Variants in RSPO3 observed in about 807,000 individuals in gnomAD.
The protein encoded by RSPO3 is R-spondin 3.
RSPO3 carries 17 observed loss-of-function variants against 36.5 expected under a neutral mutation model. The observed-to-expected ratio is 0.47, with a 90% confidence interval of 0.32 to 0.70. The LOEUF is 0.70. RSPO3 is among the 30% of genes least tolerant of loss of function. RSPO3 has a pLI of 0.04. For missense variants in RSPO3, 294 were observed against 322.5 expected (o/e 0.91, Z 0.68); for synonymous variants, 108 against 107.0 (o/e 1.01, Z -0.06).
At chr6:127,186,196 G>A (rs1775291035) in intron 4 of RSPO3, among the ~76,000 whole-genome samples, 2 of 152,028 alleles carry the variant, frequency 1.3e-5, no homozygotes, top group Admixed American at 1.3e-4. Context: ...TCTTGCCTTA[G>A]TGATTCTTAG....
chr6:127,145,292 T>C (rs1470554594), intron 1 of RSPO3, among the ~76,000 whole-genome samples: 1 of 152,062 alleles, frequency 6.6e-6, no homozygotes, highest in East Asian at 1.9e-4. Flanking sequence ...CCTCACTACA[T>C]TATATTGCCT....
intron 1 of RSPO3, among the ~76,000 whole-genome samples, chr6:127,146,937 T>C (rs995106290): frequency 1.3e-5 from 2 of 152,114 alleles, no homozygotes; most frequent in Non-Finnish European, 2.9e-5. Context: ...CAATGCTGAG[T>C]TACTGGCATG....
intron 1 of RSPO3, among the ~76,000 whole-genome samples, chr6:127,120,572 AC>A (rs1203358812): frequency 2.0e-5 from 3 of 152,122 alleles, no homozygotes; most frequent in African/African-American, 7.2e-5. Flanking sequence ...AGGACACAAC[AC>A]CGGCTTGTGT....
intron 1 of RSPO3, among the ~76,000 whole-genome samples, chr6:127,135,921 T>C (rs1482198099): frequency 3.5e-5 from 4 of 113,538 alleles, no homozygotes; most frequent in Non-Finnish European, 7.4e-5. Context: ...ACTGAGACCC[T>C]GCCTCAAAAA....
intron 1 of RSPO3, among the ~76,000 whole-genome samples, chr6:127,124,806 T>C (rs1773909232): frequency 6.6e-6 from 1 of 152,104 alleles, no homozygotes; most frequent in South Asian, 2.1e-4. Context: ...TTCAGGAATA[T>C]TACTGGCATT....
At chr6:127,179,277 T>C (rs1331318744) in intron 4 of RSPO3, among the ~76,000 whole-genome samples, 2 of 151,870 alleles carry the variant, frequency 1.3e-5, no homozygotes, top group Non-Finnish European at 2.9e-5. Context: ...GAGAATTAGA[T>C]TGAGAGTAGA....
intron 4 of RSPO3, among the ~76,000 whole-genome samples, chr6:127,168,634 T>G (rs1774874277): frequency 6.6e-6 from 1 of 152,214 alleles, no homozygotes; most frequent in South Asian, 2.1e-4. Context: ...TGGGGTTTGT[T>G]GCCATTGCTT....
intron 3 of RSPO3, among the ~76,000 whole-genome samples, chr6:127,154,963 G>A (rs1296374591): frequency 6.6e-6 from 1 of 152,134 alleles, no homozygotes; most frequent in African/African-American, 2.4e-5. Flanking sequence ...ATCAATTTTA[G>A]TGATTATATT....
intron 1 of RSPO3, among the ~76,000 whole-genome samples, chr6:127,129,313 G>A (rs1774004525): frequency 6.6e-6 from 1 of 151,880 alleles, no homozygotes. Flanking sequence ...GTCTTTTTTA[G>A]TCCATGAAGG....
chr6:127,175,857 T>C (rs1323404759), intron 4 of RSPO3, among the ~76,000 whole-genome samples: 2 of 151,786 alleles, frequency 1.3e-5, no homozygotes, highest in South Asian at 2.1e-4. Context: ...AATTTTCTAA[T>C]ACCAGTAAAT....
At chr6:127,171,782 G>C (rs1774939358) in intron 4 of RSPO3, among the ~76,000 whole-genome samples, 1 of 151,546 alleles carries the variant, frequency 6.6e-6, no homozygotes, top group South Asian at 2.1e-4. Flanking sequence ...AATTGGCTAG[G>C]AGCTTGGGAG....
chr6:127,120,397 TCTC>T (rs1176163848), intron 1 of RSPO3, among the ~76,000 whole-genome samples: 4 of 151,950 alleles, frequency 2.6e-5, no homozygotes, highest in East Asian at 1.9e-4. Flanking sequence ...GGAGGAAACT[TCTC>T]CTGGAGCTCG....
chr6:127,155,397 A>G lies in RSPO3; in HGVS notation c.593A>G (p.Lys198Arg), dbSNP rs764852033. Residue 198 changes from lysine (K) to arginine (R), a missense_variant, in exon 4 of 5, where the codon AAG becomes AGG. By Grantham distance (26) the Lys-to-Arg change is conservative. This residue lies in a region of RSPO3 where 190 missense variants were observed against 185.2 expected (regional missense o/e 1.03). Coordinates refer to ENST00000356698, the MANE Select transcript of RSPO3 (RefSeq NM_032784.5). ...NLCPPTNETR[K>R]CTVQRKKCQK... ...TGTCCCCCAACAAATGAGACAAGAA[A>G]GTGTACAGTGCAAAGGAAGAAGTGT... 5.6e-6 allele frequency: 9 copies of G among 1,613,736 alleles called. No homozygotes were observed. Among genetic ancestry groups the G allele is most frequent in the African/African-American group, 1.3e-5 (1 of 74,924 alleles).
At chr6:127,135,188 A>C (rs1383795711) in intron 1 of RSPO3, among the ~76,000 whole-genome samples, 1 of 152,130 alleles carries the variant, frequency 6.6e-6, no homozygotes, top group Non-Finnish European at 1.5e-5. Flanking sequence ...TTGGGAGGCC[A>C]AGGCGGGCAG....
intron 4 of RSPO3, among the ~76,000 whole-genome samples, chr6:127,192,269 AG>A (rs1372319924): frequency 6.6e-6 from 1 of 152,150 alleles, no homozygotes; most frequent in African/African-American, 2.4e-5. Context: ...TTTTTGGCAC[AG>A]AGTAGGGGCT....
At chr6:127,136,798 C>A (rs764034444) in intron 1 of RSPO3, among the ~76,000 whole-genome samples, 1 of 152,120 alleles carries the variant, frequency 6.6e-6, no homozygotes, top group African/African-American at 2.4e-5. Context: ...GAAGTTCCTA[C>A]TATTAGTATA....
chr6:127,156,996 G>A (rs1205449274), intron 4 of RSPO3, among the ~76,000 whole-genome samples: 2 of 152,098 alleles, frequency 1.3e-5, no homozygotes, highest in African/African-American at 4.8e-5. Context: ...TTGAAGACAT[G>A]GGTTATTTAA....
At chr6:127,130,905 T>C (rs1195462208) in intron 1 of RSPO3, among the ~76,000 whole-genome samples, 2 of 152,202 alleles carry the variant, frequency 1.3e-5, no homozygotes, top group East Asian at 3.9e-4. Context: ...GGTCCAAACA[T>C]GGTATCCTTA....
At chr6:127,151,995 T>C (rs1216230069) in intron 3 of RSPO3, among the ~76,000 whole-genome samples, 1 of 152,112 alleles carries the variant, frequency 6.6e-6, no homozygotes, top group East Asian at 1.9e-4. Context: ...AAGGCACATA[T>C]TTAGATTTTT....
Sources: gnomAD v4.1 joint callset for allele counts (sites outside exome capture counted in the v4.1 genomes callset) on GRCh38, gnomAD v4.1.1 for gene constraint, gnomAD v4.1.1 regional missense constraint, MANE v1.5 for transcripts, NCBI Gene and HGNC (gene_info 2026-07-23, HGNC 2026-07-21) for gene names.